Variants in KCNK2 observed in about 807,000 individuals in gnomAD.
KCNK2 encodes potassium two pore domain channel subfamily K member 2.
KCNK2 carries 21 observed loss-of-function variants against 40.5 expected under a neutral mutation model. The ratio of observed to expected loss-of-function variants is 0.52; its 90% confidence interval spans 0.37 to 0.75. The LOEUF is 0.75. Ranked by LOEUF, KCNK2 falls within the 30% of genes least tolerant of loss-of-function variation. The pLI is 0.00. For synonymous variants in KCNK2, 191 were observed against 202.2 expected (o/e 0.94, Z 0.47); for missense variants, 399 against 531.6 (o/e 0.75, Z 2.45).
chr1:215,102,846 G>A (rs148197006), intron 2 of KCNK2, among the ~76,000 whole-genome samples: 49 of 152,140 alleles, frequency 3.2e-4, no homozygotes, highest in African/African-American at 1.2e-3. Flanking sequence ...GTCTGGGCGT[G>A]TAGTAGGCTA....
At chr1:215,142,573 G>A (rs1662231475) in intron 3 of KCNK2, among the ~76,000 whole-genome samples, 1 of 151,978 alleles carries the variant, frequency 6.6e-6, no homozygotes, top group Non-Finnish European at 1.5e-5. Flanking sequence ...TACGTTACTT[G>A]TTTTTACTTT....
chr1:215,163,520 G>A (rs1418719147), intron 3 of KCNK2, among the ~76,000 whole-genome samples: 1 of 152,024 alleles, frequency 6.6e-6, no homozygotes, highest in Non-Finnish European at 1.5e-5. Context: ...AGAGATTCCC[G>A]CTTTTGCCCA....
intron 6 of KCNK2, among the ~76,000 whole-genome samples, chr1:215,200,424 A>G (rs537732106): frequency 4.4e-4 from 67 of 152,310 alleles, no homozygotes; most frequent in South Asian, 2.7e-3. Context: ...AAATAGTTGC[A>G]GCCTGGGCCC....
intron 6 of KCNK2, among the ~76,000 whole-genome samples, chr1:215,222,900 G>A (rs1326932839): frequency 1.3e-5 from 2 of 151,970 alleles, no homozygotes; most frequent in South Asian, 4.1e-4. Context: ...ATGCAAAGTA[G>A]GCTTCTAATT....
intron 6 of KCNK2, among the ~76,000 whole-genome samples, chr1:215,221,732 G>A (rs111465941): frequency 9.9e-4 from 151 of 152,202 alleles, no homozygotes; most frequent in African/African-American, 3.6e-3. Flanking sequence ...CAGTTCAAAT[G>A]CATATTGTTC....
At chr1:215,213,587 G>C (rs1039676693) in intron 6 of KCNK2, among the ~76,000 whole-genome samples, 1 of 152,034 alleles carries the variant, frequency 6.6e-6, no homozygotes, top group African/African-American at 2.4e-5. Flanking sequence ...CTCTGGCCTG[G>C]GTGACAAGAG....
At chr1:215,234,326 G>A (rs1468579400) in intron 6 of KCNK2, among the ~76,000 whole-genome samples, 1 of 152,086 alleles carries the variant, frequency 6.6e-6, no homozygotes, top group Non-Finnish European at 1.5e-5. Context: ...CTGAAAACTA[G>A]GTTCACATCT....
intron 1 of KCNK2, among the ~76,000 whole-genome samples, chr1:215,028,596 T>C (rs1328319464): frequency 6.6e-6 from 1 of 152,238 alleles, no homozygotes; most frequent in Admixed American, 6.5e-5. Context: ...TTTTAGTTCT[T>C]CTTCTTTAAT....
chr1:215,161,741 G>A (rs1312628841), intron 3 of KCNK2, among the ~76,000 whole-genome samples: 1 of 152,034 alleles, frequency 6.6e-6, no homozygotes, highest in African/African-American at 2.4e-5. Flanking sequence ...CCATATCCCT[G>A]CAAAGGACAA....
intron 1 of KCNK2, among the ~76,000 whole-genome samples, chr1:215,066,209 A>G (rs1415265006): frequency 2.0e-5 from 3 of 152,154 alleles, no homozygotes; most frequent in African/African-American, 7.2e-5. Context: ...GCACGTGTAT[A>G]CCTATGTAAC....
Position 215,208,894 on chromosome 1 carries a change from C to T in KCNK2, c.963+13802C>T, listed in dbSNP as rs551309988. On this transcript the variant is annotated intron_variant, in intron 6 of 6. Coordinates refer to ENST00000444842, the MANE Select transcript of KCNK2 (RefSeq NM_001017425.3). ...CCAGGCTGGAGTGCAGTGGCACCAT[C>T]TTGGCTCACTACAACCTCCGCCTCC... Among the ~76,000 whole-genome samples the T allele has an allele frequency of 2.0e-5, 3 of 152,060 alleles. No individual in the cohort carries two copies. The East Asian group carries it at 5.8e-4, about 29-fold the overall frequency.
intron 1 of KCNK2, among the ~76,000 whole-genome samples, chr1:215,026,088 T>TCCC (rs1656989872): frequency 6.6e-6 from 1 of 152,092 alleles, no homozygotes. Context: ...AGTTTCTGTT[T>TCCC]CCCTGTTAGT....
intron 2 of KCNK2, among the ~76,000 whole-genome samples, chr1:215,101,760 A>G (rs962650643): frequency 4.1e-4 from 63 of 152,128 alleles, no homozygotes; most frequent in African/African-American, 1.4e-3. Context: ...CATATTGCCT[A>G]TGACGTAGCC....
chr1:215,022,239 A>G (rs1019281992), intron 1 of KCNK2, among the ~76,000 whole-genome samples: 6 of 152,068 alleles, frequency 3.9e-5, no homozygotes, highest in African/African-American at 1.2e-4. Context: ...TTCCAAGTCA[A>G]TTCAGGATCT....
intron 5 of KCNK2, among the ~76,000 whole-genome samples, chr1:215,179,620 C>G (rs1296175929): frequency 6.6e-6 from 1 of 152,016 alleles, no homozygotes; most frequent in East Asian, 1.9e-4. Context: ...CTTGTTTACT[C>G]AACATTCATT....
At chr1:215,117,165 A>T (rs1660981016) in intron 2 of KCNK2, among the ~76,000 whole-genome samples, 1 of 152,064 alleles carries the variant, frequency 6.6e-6, no homozygotes, top group Non-Finnish European at 1.5e-5. Flanking sequence ...ATAACTACAG[A>T]ATTTCTGAAA....
intron 1 of KCNK2, among the ~76,000 whole-genome samples, chr1:215,046,207 G>C (rs972546599): frequency 6.6e-6 from 1 of 152,092 alleles, no homozygotes; most frequent in Non-Finnish European, 1.5e-5. Flanking sequence ...AGATGGTTTT[G>C]ATTTGGAAAA....
rs560157659 is a variant in KCNK2 at position 215,204,679 on chromosome 1, A to G, written c.963+9587A>G. Among the ~76,000 whole-genome samples, 4 of 152,306 alleles carry G rather than the reference A, an allele frequency of 2.6e-5. No individual in the cohort carries two copies. The East Asian group carries it at 7.7e-4, about 29-fold the overall frequency. On this transcript the variant is annotated intron_variant, in intron 6 of 6. Transcript: ENST00000444842. Reference sequence around the variant, plus strand: ...CTAAAAAAATCTCATTTTACAAAAAATCAAGCTATGTTTGCTGAGAACAGA... The same window carrying G: ...CTAAAAAAATCTCATTTTACAAAAAGTCAAGCTATGTTTGCTGAGAACAGA...
chr1:215,089,770 A>G (rs1370524980), intron 2 of KCNK2, among the ~76,000 whole-genome samples: 1 of 151,890 alleles, frequency 6.6e-6, no homozygotes, highest in African/African-American at 2.4e-5. Context: ...TTACATTTAA[A>G]CTAATGTGAT....
Sources: gnomAD v4.1 joint callset for allele counts (sites outside exome capture counted in the v4.1 genomes callset) on GRCh38, gnomAD v4.1.1 for gene constraint, MANE v1.5 for transcripts, NCBI Gene and HGNC (gene_info 2026-07-23, HGNC 2026-07-21) for gene names.